Variants in CEP20 observed in about 807,000 individuals in gnomAD.
The protein encoded by CEP20 is FGFR1OP N-terminal like.
CEP20 carries 18 observed loss-of-function variants against 20.0 expected under a neutral mutation model. The ratio of observed to expected loss-of-function variants is 0.90; its 90% CI spans 0.62 to 1.34. CEP20 has a LOEUF of 1.34. Ranked by LOEUF, CEP20 falls within the 40% of genes most tolerant of loss-of-function variation. The pLI, the probability that CEP20 is intolerant of heterozygous loss-of-function variation, is 0.00. For missense variants in CEP20, 215 were observed against 201.6 expected, an observed-to-expected ratio of 1.07 and a Z score of -0.40; for synonymous variants, 77 against 73.7, an observed-to-expected ratio of 1.04 and a Z score of -0.23.
intron 3 of CEP20, 33 bp downstream of exon 3, chr16:15,879,771 A>G (rs12596557): frequency 0.057 from 71,810 of 1,250,584 alleles, 2,756 homozygotes; most frequent in East Asian, 0.19. Context: ...ACTCAATACA[A>G]TATGTGGAAA....
intron 1 of CEP20, among the ~76,000 whole-genome samples, chr16:15,885,495 C>A (rs2045220244): frequency 6.6e-6 from 1 of 152,104 alleles, no homozygotes; most frequent in Non-Finnish European, 1.5e-5. Flanking sequence ...CTGGTTCAAG[C>A]AATTCTCCTG....
At chr16:15,868,530 T>C (rs2044740285) in intron 4 of CEP20, among the ~76,000 whole-genome samples, 1 of 152,200 alleles carries the variant, frequency 6.6e-6, no homozygotes, top group South Asian at 2.1e-4. Flanking sequence ...TTTCTACAAC[T>C]GATAAAACAT....
chr16:15,881,094 G>A (rs532645473), intron 2 of CEP20, among the ~76,000 whole-genome samples: 7 of 152,186 alleles, frequency 4.6e-5, no homozygotes, highest in African/African-American at 1.7e-4. Flanking sequence ...TGGAAAAATT[G>A]TCTTCCATGA....
chr16:15,871,253 C>G (rs1480712319), intron 4 of CEP20, among the ~76,000 whole-genome samples: 3 of 151,052 alleles, frequency 2.0e-5, no homozygotes, highest in Admixed American at 6.6e-5. Flanking sequence ...GACAGTCCAT[C>G]TAAAATTTAA....
rs981244047 is a variant in CEP20 at position 15,866,468 on chromosome 16, C to A, written c.*972G>T. The A allele has an allele frequency of 1.3e-5, 2 of 152,178 alleles. No homozygotes were observed. The highest frequency in any genetic ancestry group is 2.9e-5 in the Non-Finnish European group (2 of 68,036). 9.4% of individuals were successfully genotyped at this position (152,178 alleles called of 1,614,324 possible). On this transcript the variant is annotated 3_prime_UTR_variant, in exon 5 of 5. Coordinates refer to ENST00000255759, the MANE Select transcript of CEP20 (RefSeq NM_144600.4). ...GTTTTCAATGAAATGAGCCTGTGGA[C>A]ACTACATTAAAAATACTTCTTTAAT...
chr16:15,882,148 G>A (rs999588303), intron 2 of CEP20, among the ~76,000 whole-genome samples: 18 of 152,128 alleles, frequency 1.2e-4, no homozygotes, highest in African/African-American at 3.6e-4. Context: ...ACCATGTAAC[G>A]TGCTTGCTGC....
chr16:15,885,048 TG>T (rs1460248241), intron 1 of CEP20: 1 of 151,972 alleles, frequency 6.6e-6, no homozygotes, highest in African/African-American at 2.4e-5. Context: ...GGCTCATGCC[TG>T]TAACCCAGCA....
rs1266643728 is a variant in CEP20 at position 15,866,194 on chromosome 16, A to T, written c.*1246T>A. 1 of 152,210 alleles carries T rather than the reference A, an allele frequency of 6.6e-6. No homozygotes were observed. The highest frequency in any genetic ancestry group is 1.5e-5 in the Non-Finnish European group (1 of 68,036). The allele number at this position is 152,210 out of a possible 1,614,324, so 9.4% of individuals were successfully genotyped here. ...GCATTTAGATAAAAATTCTTGGCTA[A>T]TCTGTAAGAAGTGAACACTGACTAG... On this transcript the variant is annotated 3_prime_UTR_variant, in exon 5 of 5. Coordinates refer to ENST00000255759, the MANE Select transcript of CEP20 (RefSeq NM_144600.4).
chr16:15,882,741 A>ACC (rs2045130565), intron 2 of CEP20, among the ~76,000 whole-genome samples: 1 of 116,638 alleles, frequency 8.6e-6, no homozygotes, highest in African/African-American at 3.2e-5. Flanking sequence ...ATATCTATCT[A>ACC]TCTATCTATC....
chr16:15,886,069 G>T (rs1173089929), intron 1 of CEP20: 1 of 152,176 alleles, frequency 6.6e-6, no homozygotes, highest in Admixed American at 6.6e-5. Flanking sequence ...TCACCTAGAA[G>T]GATTATAATA....
At chr16:15,875,267 A>C (rs1177253636) in intron 3 of CEP20, among the ~76,000 whole-genome samples, 48 of 152,190 alleles carry the variant, frequency 3.2e-4, no homozygotes, top group Non-Finnish European at 2.9e-5. Context: ...CTCTTTGTTT[A>C]CTTTAATCTT....
Position 15,873,548 on chromosome 16 carries a change from AAG to A in CEP20, c.389_390del (p.Pro130LeufsTer14). 2 of 1,614,108 alleles carry A rather than the reference AAG, an allele frequency of 1.2e-6. No individual in the cohort carries two copies. The highest frequency in any genetic ancestry group is 1.7e-6 in the Non-Finnish European group (2 of 1,179,980). Reference sequence around the variant, plus strand: ...AGACTTGGGTCTGAAGGCTGAAGTGAAGGCCCTTTCAGAAATGCATTCTGGAT... The same window carrying A: ...AGACTTGGGTCTGAAGGCTGAAGTGAGCCCTTTCAGAAATGCATTCTGGAT... Reference protein sequence around the residue: ...DGIQNAFLKGPSLQPSDPSLG... With the variant: ...DGIQNAFLKGXSLQPSDPSLG... On this transcript the variant is annotated frameshift_variant, in exon 4 of 5. Transcript: ENST00000255759. LOFTEE classifies it high-confidence loss of function.
rs1193722649 is a variant in CEP20 at position 15,866,205 on chromosome 16, G to C, written c.*1235C>G. The C allele has an allele frequency of 6.6e-6, 1 of 152,210 alleles. No individual in the cohort carries two copies. Among genetic ancestry groups the C allele is most frequent in the Non-Finnish European group, 1.5e-5 (1 of 68,036 alleles). 9.4% of individuals were successfully genotyped at this position (152,210 alleles called of 1,614,324 possible). ...AAAATTCTTGGCTAATCTGTAAGAA[G>C]TGAACACTGACTAGCATTGCCAAAC... On this transcript the variant is annotated 3_prime_UTR_variant, in exon 5 of 5. Transcript: ENST00000255759.
intron 1 of CEP20, chr16:15,885,775 C>G (rs77223245): frequency 0.063 from 9,627 of 152,288 alleles, 444 homozygotes; most frequent in East Asian, 0.19. Context: ...AAATCTACCA[C>G]GTGACTGTAT....
rs931995096 is a variant in CEP20 at position 15,866,739 on chromosome 16, T to C, written c.*701A>G. 3 of 152,220 alleles carry C rather than the reference T, an allele frequency of 2.0e-5. No individual in the cohort carries two copies. The highest frequency in any genetic ancestry group is 4.4e-5 in the Non-Finnish European group (3 of 68,034). 9.4% of individuals were successfully genotyped at this position (152,220 alleles called of 1,614,324 possible). ...ACTTCACATTCTTTATCTAATAAAATAAACTCTTTGTTTTATTTACAGCAA... is the reference window on the plus strand; with the variant it reads ...ACTTCACATTCTTTATCTAATAAAACAAACTCTTTGTTTTATTTACAGCAA... On this transcript the variant is annotated 3_prime_UTR_variant, in exon 5 of 5. Transcript: ENST00000255759.
At chr16:15,888,520 G>C in intron 1 of CEP20, 38 bp downstream of exon 1, 1 of 1,613,940 alleles carries the variant, frequency 6.2e-7, no homozygotes, top group Non-Finnish European at 8.5e-7. Flanking sequence ...ATGAAGGCCC[G>C]ACGCTTCCCA....
Position 15,873,626 on chromosome 16 carries a change from G to A in CEP20, c.313C>T (p.Pro105Ser), listed in dbSNP as rs753141360. 5 of 1,606,510 alleles carry A rather than the reference G, an allele frequency of 3.1e-6. No individual in the cohort carries two copies. In the South Asian group the frequency reaches 3.4e-5, roughly 11 times the overall value. Residue 105 changes from proline (P) to serine (S), a missense_variant and splice_region_variant, in exon 4 of 5, where the codon CCT becomes TCT. By Grantham distance (74) the Pro-to-Ser change is moderately conservative (BLOSUM62 -1). Transcript: ENST00000255759. Reference sequence around the variant, plus strand: ...TGGGCTAAAATCCCATATAAAAGAGGTCTATAGCAGGAAGAAAACAAAACA... The same window carrying A: ...TGGGCTAAAATCCCATATAAAAGAGATCTATAGCAGGAAGAAAACAAAACA... Reference protein sequence around the residue: ...AFEESKDNTIPLLYGILAHFL... With the variant: ...AFEESKDNTISLLYGILAHFL...
chr16:15,869,025 G>A (rs1368470548), intron 4 of CEP20, among the ~76,000 whole-genome samples: 1 of 151,030 alleles, frequency 6.6e-6, no homozygotes, highest in Non-Finnish European at 1.5e-5. Context: ...CCATGATTGT[G>A]TCACTGCACT....
chr16:15,872,175 G>T (rs1203551617), intron 4 of CEP20, among the ~76,000 whole-genome samples: 1 of 152,058 alleles, frequency 6.6e-6, no homozygotes, highest in Admixed American at 6.6e-5. Flanking sequence ...TTAGCCGAGT[G>T]TGGTGATGGG....
Sources: gnomAD v4.1 joint callset for allele counts (sites outside exome capture counted in the v4.1 genomes callset) on GRCh38, gnomAD v4.1.1 for gene constraint, MANE v1.5 for transcripts, NCBI Gene and HGNC (gene_info 2026-07-23, HGNC 2026-07-21) for gene names.